The following ZFP1 variants were observed in gnomAD, a reference collection of about 807,000 sequenced individuals.
ZFP1 encodes the protein zinc finger protein 1 homolog.
Under a neutral mutation model 38.5 loss-of-function variants are expected in ZFP1, and 32 were observed. That is an observed-to-expected ratio of 0.83 (90% CI 0.63 to 1.12). ZFP1 has a LOEUF of 1.12. Ranked by LOEUF, ZFP1 falls within the 50% of genes most tolerant of loss-of-function variation. ZFP1 has a pLI of 0.00. For synonymous variants in ZFP1, 245 were observed against 168.8 expected, an observed-to-expected ratio of 1.45 and a Z score of -3.50; for missense variants, 616 against 480.8, an observed-to-expected ratio of 1.28 and a Z score of -2.63.
At chr16:75,155,016 C>G (rs1271120100) in intron 2 of ZFP1, among the ~76,000 whole-genome samples, 1 of 152,128 alleles carries the variant, frequency 6.6e-6, no homozygotes, top group Non-Finnish European at 1.5e-5. Flanking sequence ...TCAGGCTGGT[C>G]TCGAACTCCT....
intron 2 of ZFP1, among the ~76,000 whole-genome samples, chr16:75,160,301 G>C (rs1597060898): frequency 6.6e-6 from 1 of 152,150 alleles, no homozygotes; most frequent in South Asian, 2.1e-4. Flanking sequence ...GAAGGGCCAA[G>C]GTGGGTGGAT....
chr16:75,149,557 C>CTTTTTTTTTTTTTTTT (rs34371791), intron 1 of ZFP1, among the ~76,000 whole-genome samples: 22 of 101,792 alleles, frequency 2.2e-4, no homozygotes, highest in Non-Finnish European at 3.7e-4. Context: ...TCTTTACTTT[C>CTTTTTTTTTTTTTTTT]TTTTTTTTTT....
At chr16:75,150,383 A>AT (rs35210179) in intron 1 of ZFP1, among the ~76,000 whole-genome samples, 124,688 of 149,188 alleles carry the variant, frequency 0.84, 52,562 homozygotes, top group Non-Finnish European at 0.9. Context: ...TAATTTTTTT[A>AT]TTTTTTTTTG....
At chr16:75,119,271 A>G in the ZFP1 span, among the ~76,000 whole-genome samples, 1 of 152,250 alleles carries the variant, frequency 6.6e-6, no homozygotes, top group South Asian at 2.1e-4. Context: ...GCTTGGTACC[A>G]GCTTGAGCTA....
chr16:75,151,018 C>A (rs1452678273), intron 1 of ZFP1, among the ~76,000 whole-genome samples: 1 of 151,986 alleles, frequency 6.6e-6, no homozygotes, highest in African/African-American at 2.4e-5. Context: ...CCACCACACT[C>A]AGCTAATTTT....
At chr16:75,166,357 C>T (rs907473178) in intron 2 of ZFP1, among the ~76,000 whole-genome samples, 2 of 152,152 alleles carry the variant, frequency 1.3e-5, no homozygotes, top group African/African-American at 4.8e-5. Flanking sequence ...CTCAGCTCCC[C>T]CACGTAGCTG....
Position 75,172,022 on chromosome 16 carries a change from G to C in ZFP1, c.*1688G>C, listed in dbSNP as rs1002018195. ...AATGTATATTGTATTTTTTGGTAAG[G>C]ACCAAAAAAACAAACAAAAAAAAGA... On this transcript the variant is annotated 3_prime_UTR_variant, in exon 4 of 4. Coordinates refer to ENST00000570010, the MANE Select transcript of ZFP1 (RefSeq NM_153688.4). The C allele has an allele frequency of 6.6e-6, 1 of 151,812 alleles. No homozygotes were observed. The highest frequency in any genetic ancestry group is 1.5e-5 in the Non-Finnish European group (1 of 67,944). The allele number at this position is 151,812 out of a possible 1,614,324, so 9.4% of individuals were successfully genotyped here.
chr16:75,159,523 C>G (rs915472010), intron 2 of ZFP1, among the ~76,000 whole-genome samples: 12 of 151,452 alleles, frequency 7.9e-5, no homozygotes. Context: ...CCCTCCCACC[C>G]CAGCCTCTTG....
At chr16:75,133,648 A>G in the ZFP1 span, among the ~76,000 whole-genome samples, 2 of 152,190 alleles carry the variant, frequency 1.3e-5, no homozygotes, top group South Asian at 2.1e-4. Flanking sequence ...AGTGGCTATT[A>G]TATTGGACAG....
upstream of ZFP1, among the ~76,000 whole-genome samples, chr16:75,146,906 C>G (rs558977052): frequency 2.2e-5 from 3 of 139,358 alleles, no homozygotes; most frequent in East Asian, 6.7e-4. Flanking sequence ...CACCACTGCA[C>G]TCCAACCTGG....
At position 75,170,244 on chromosome 16, in the gene ZFP1, A is replaced by G. The variant is rs751913534; in HGVS notation, c.1134A>G (p.Lys378=). ...RLHLRIHTGE[K]PYECSECGKA... is the part of the protein sequence containing the mutation. ...ACTTGCGAATCCACACAGGAGAGAA[A>G]CCATATGAGTGTTCCGAATGTGGGA... The change falls in exon 4 of 4, where the codon AAA becomes AAG. Residue 378 remains lysine (K), a synonymous_variant. Transcript: ENST00000570010. The G allele has an allele frequency of 6.2e-7, 1 of 1,614,066 alleles. No individual in the cohort carries two copies. The highest frequency in any genetic ancestry group is 1.1e-5 in the South Asian group (1 of 91,070).
At chr16:75,132,031 G>A in the ZFP1 span, among the ~76,000 whole-genome samples, 2 of 151,862 alleles carry the variant, frequency 1.3e-5, no homozygotes, top group African/African-American at 2.4e-5. Context: ...TGGTTGATGC[G>A]TCTCATAAAT....
At chr16:75,139,465 G>A in the ZFP1 span, among the ~76,000 whole-genome samples, 1 of 151,720 alleles carries the variant, frequency 6.6e-6, no homozygotes, top group Non-Finnish European at 1.5e-5. Context: ...GTTGAACCAG[G>A]AGGATTGCTT....
chr16:75,124,358 C>G, the ZFP1 span, among the ~76,000 whole-genome samples: 1 of 150,868 alleles, frequency 6.6e-6, no homozygotes, highest in African/African-American at 2.4e-5. Context: ...CAGGGTTTTG[C>G]CATGTTAGCC....
At chr16:75,145,054 G>A (rs1032629129), upstream of ZFP1, among the ~76,000 whole-genome samples, 18 of 152,176 alleles carry the variant, frequency 1.2e-4, no homozygotes, top group South Asian at 2.1e-4. Context: ...GTACCAGAAC[G>A]TCATTCTTTG....
At chr16:75,153,621 C>T (rs1597041729) in intron 2 of ZFP1, among the ~76,000 whole-genome samples, 1 of 152,164 alleles carries the variant, frequency 6.6e-6, no homozygotes, top group South Asian at 2.1e-4. Flanking sequence ...CCCCCTCATT[C>T]CCAACCCCTA....
the ZFP1 span, among the ~76,000 whole-genome samples, chr16:75,122,805 A>C: frequency 3.9e-5 from 6 of 152,356 alleles, no homozygotes; most frequent in Admixed American, 3.9e-4. Flanking sequence ...GCCTATGCCC[A>C]GGAATGAACA....
intron 1 of ZFP1, among the ~76,000 whole-genome samples, chr16:75,151,979 T>A (rs1044161400): frequency 6.6e-6 from 1 of 152,342 alleles, no homozygotes; most frequent in East Asian, 1.9e-4. Flanking sequence ...GTTAATAGTT[T>A]TTTGCTTTAG....
At chr16:75,123,485 A>G in the ZFP1 span, among the ~76,000 whole-genome samples, 17,267 of 125,958 alleles carry the variant, frequency 0.14, 2,375 homozygotes, top group East Asian at 0.56. Flanking sequence ...ATATATATAT[A>G]TATATATATA....
Sources: gnomAD v4.1 joint callset for allele counts (sites outside exome capture counted in the v4.1 genomes callset) on GRCh38, gnomAD v4.1.1 for gene constraint, MANE v1.5 for transcripts, NCBI Gene and HGNC (gene_info 2026-07-23, HGNC 2026-07-21) for gene names.